CPEB3: variants seen among roughly 807,000 people sequenced by gnomAD.
CPEB3 encodes the protein cytoplasmic polyadenylation element-binding protein 3.
A neutral mutation model predicts 67.2 loss-of-function variants in CPEB3; 20 were observed. The observed-to-expected ratio is 0.30, with a 90% CI of 0.21 to 0.43. CPEB3 has a LOEUF of 0.43. CPEB3 is among the 20% of genes least tolerant of loss of function. CPEB3 has a pLI of 1.00. For missense variants in CPEB3, 746 were observed against 968.6 expected, an observed-to-expected ratio of 0.77 and a Z score of 3.05; for synonymous variants, 376 against 393.1, an observed-to-expected ratio of 0.96 and a Z score of 0.51.
At chr10:92,263,461 C>T (rs752222745) in intron 1 of CPEB3, among the ~76,000 whole-genome samples, 5 of 152,172 alleles carry the variant, frequency 3.3e-5, no homozygotes, top group African/African-American at 1.2e-4. Flanking sequence ...TGGATGAGAT[C>T]GTCCAGTGGA....
chr10:92,278,710 C>T (rs1842115396), intron 1 of CPEB3, among the ~76,000 whole-genome samples: 1 of 151,230 alleles, frequency 6.6e-6, no homozygotes, highest in South Asian at 2.1e-4. Flanking sequence ...AAGCCATTCT[C>T]CTGGCTCAGC....
chr10:92,221,949 G>A (rs530704337), intron 2 of CPEB3, among the ~76,000 whole-genome samples: 1 of 152,300 alleles, frequency 6.6e-6, no homozygotes, highest in Non-Finnish European at 1.5e-5. Context: ...GAATCAGCTA[G>A]TGCCTTTATC....
intron 4 of CPEB3, 134 bp downstream of exon 4, chr10:92,180,829 A>C (rs1211116065): frequency 4.9e-6 from 3 of 608,398 alleles, no homozygotes. Flanking sequence ...ACACTTTGAG[A>C]ACCACTAGTA....
intron 6 of CPEB3, chr10:92,118,873 C>A: frequency 1.6e-6 from 1 of 608,970 alleles, no homozygotes; most frequent in South Asian, 1.8e-5. Context: ...GCCACCATGA[C>A]ACTGGTACTG....
intron 3 of CPEB3, among the ~76,000 whole-genome samples, chr10:92,183,684 T>C (rs1021471823): frequency 6.6e-6 from 1 of 152,144 alleles, no homozygotes; most frequent in Non-Finnish European, 1.5e-5. Flanking sequence ...TCACTGCCCA[T>C]CAGAACTTAA....
chr10:92,055,672 C>T (rs532201249), intron 9 of CPEB3, among the ~76,000 whole-genome samples: 2 of 152,048 alleles, frequency 1.3e-5, no homozygotes, highest in Non-Finnish European at 2.9e-5. Context: ...TTCGTTTTGC[C>T]TAGAAAGCTA....
chr10:92,114,079 T>C (rs1052710753), intron 6 of CPEB3, among the ~76,000 whole-genome samples: 1 of 152,184 alleles, frequency 6.6e-6, no homozygotes. Flanking sequence ...GCACTGTAGA[T>C]AAGAGACATG....
intron 4 of CPEB3, among the ~76,000 whole-genome samples, chr10:92,172,365 A>C (rs902132186): frequency 6.6e-6 from 1 of 152,224 alleles, no homozygotes; most frequent in African/African-American, 2.4e-5. Flanking sequence ...AATGAAGAAA[A>C]GAAGGCATTT....
intron 2 of CPEB3, among the ~76,000 whole-genome samples, chr10:92,206,875 A>C (rs1849817433): frequency 6.6e-6 from 1 of 152,204 alleles, no homozygotes; most frequent in Non-Finnish European, 1.5e-5. Context: ...GAGTTATTTA[A>C]AATTATAGAC....
At chr10:92,125,838 C>T (rs778674942) in intron 6 of CPEB3, among the ~76,000 whole-genome samples, 2 of 152,034 alleles carry the variant, frequency 1.3e-5, no homozygotes, top group Non-Finnish European at 2.9e-5. Context: ...ATCCTCCCAC[C>T]GCAGCCTCCC....
intron 6 of CPEB3, chr10:92,119,267 T>A: frequency 6.4e-7 from 1 of 1,562,298 alleles, no homozygotes; most frequent in Non-Finnish European, 8.8e-7. Context: ...TCCTTATTTG[T>A]TTAGATCCTT....
intron 6 of CPEB3, among the ~76,000 whole-genome samples, chr10:92,139,931 G>C (rs1452200293): frequency 6.6e-6 from 1 of 151,846 alleles, no homozygotes; most frequent in Non-Finnish European, 1.5e-5. Context: ...AAATTAGCCG[G>C]GTATGGTGGC....
chr10:92,210,615 C>T (rs1032488521), intron 2 of CPEB3, among the ~76,000 whole-genome samples: 1 of 152,168 alleles, frequency 6.6e-6, no homozygotes, highest in African/African-American at 2.4e-5. Flanking sequence ...AATCTGTAGT[C>T]TCTTGGAAAA....
chr10:92,170,284 A>T (rs188160343), intron 4 of CPEB3, among the ~76,000 whole-genome samples: 3 of 152,238 alleles, frequency 2.0e-5, no homozygotes, highest in African/African-American at 7.2e-5. Flanking sequence ...ATAAGATACT[A>T]ATACAACTTC....
intron 2 of CPEB3, among the ~76,000 whole-genome samples, chr10:92,227,452 A>C (rs1167403162): frequency 6.6e-6 from 1 of 152,242 alleles, no homozygotes; most frequent in Non-Finnish European, 1.5e-5. Context: ...TTAACAATGT[A>C]AATCCCATCC....
intron 9 of CPEB3, among the ~76,000 whole-genome samples, chr10:92,071,016 C>CA (rs1488737592): frequency 6.6e-6 from 1 of 151,528 alleles, no homozygotes; most frequent in Non-Finnish European, 1.5e-5. Flanking sequence ...AATGTGTTAT[C>CA]AGTGCTATCG....
At chr10:92,053,439 C>G (rs1459146052) in intron 9 of CPEB3, among the ~76,000 whole-genome samples, 1 of 152,050 alleles carries the variant, frequency 6.6e-6, no homozygotes, top group Non-Finnish European at 1.5e-5. Flanking sequence ...TCTCGGCTCA[C>G]TGCAAACTCT....
intron 2 of CPEB3, among the ~76,000 whole-genome samples, chr10:92,231,480 C>T (rs1418409900): frequency 6.6e-6 from 1 of 152,134 alleles, no homozygotes; most frequent in Non-Finnish European, 1.5e-5. Context: ...TCCCTCTCCC[C>T]TCCCACCTCC....
chr10:92,231,099 T>C (rs775097941), intron 2 of CPEB3, among the ~76,000 whole-genome samples: 1 of 152,168 alleles, frequency 6.6e-6, no homozygotes, highest in Non-Finnish European at 1.5e-5. Flanking sequence ...TACACTTACA[T>C]TGGTGAGTCA....
Sources: allele counts gnomAD v4.1 joint callset (sites outside exome capture counted in the v4.1 genomes callset), GRCh38; gene constraint gnomAD v4.1.1; transcripts MANE v1.5; gene names NCBI Gene and HGNC (gene_info 2026-07-23, HGNC 2026-07-21).